The following CADM1 variants were observed in gnomAD, a reference collection of about 807,000 sequenced individuals.
CADM1 encodes cell adhesion molecule 1.
A neutral mutation model predicts 53.1 loss-of-function variants in CADM1; 15 were observed. That is an observed-to-expected ratio of 0.28 (90% CI 0.19 to 0.44). The LOEUF (loss-of-function observed/expected upper bound fraction) is 0.44. Ranked by LOEUF, CADM1 falls within the 20% of genes least tolerant of loss-of-function variation. The probability of loss-of-function intolerance (pLI) is 1.00; values close to 1 mark genes in which losing one functional copy is unlikely to be tolerated. For missense variants in CADM1, 434 were observed against 611.3 expected, an observed-to-expected ratio of 0.71 and a Z score of 3.06; for synonymous variants, 281 against 243.0, an observed-to-expected ratio of 1.16 and a Z score of -1.45.
At chr11:115,499,122 T>A (rs531798798) in intron 1 of CADM1, among the ~76,000 whole-genome samples, 15 of 152,088 alleles carry the variant, frequency 9.9e-5, no homozygotes, top group African/African-American at 1.2e-4. Context: ...CAAAAAAAAT[T>A]CTCAGCTTTT....
chr11:115,374,943 A>T (rs1162605177), intron 1 of CADM1, among the ~76,000 whole-genome samples: 1 of 152,212 alleles, frequency 6.6e-6, no homozygotes, highest in African/African-American at 2.4e-5. Flanking sequence ...AGTAATAATA[A>T]TATAAGGCAA....
chr11:115,473,439 A>G (rs1251195946), intron 1 of CADM1, among the ~76,000 whole-genome samples: 1 of 152,190 alleles, frequency 6.6e-6, no homozygotes, highest in East Asian at 1.9e-4. Flanking sequence ...AGCCTGGATG[A>G]CACAGTGAGA....
chr11:115,324,644 G>C (rs971221364), intron 1 of CADM1, among the ~76,000 whole-genome samples: 5 of 152,078 alleles, frequency 3.3e-5, no homozygotes, highest in African/African-American at 1.2e-4. Flanking sequence ...CAAGAAAAAA[G>C]CTTGATAAAT....
At chr11:115,277,760 C>G (rs1198526153) in intron 1 of CADM1, among the ~76,000 whole-genome samples, 1 of 152,096 alleles carries the variant, frequency 6.6e-6, no homozygotes, top group Admixed American at 6.5e-5. Context: ...GCTGAAACTA[C>G]CAAAAAGAAT....
At chr11:115,456,229 A>G (rs1245745229) in intron 1 of CADM1, among the ~76,000 whole-genome samples, 1 of 152,182 alleles carries the variant, frequency 6.6e-6, no homozygotes, top group Non-Finnish European at 1.5e-5. Context: ...TGAGGCAATT[A>G]CTTGCATACT....
chr11:115,292,847 A>C (rs1279166878), intron 1 of CADM1, among the ~76,000 whole-genome samples: 1 of 152,204 alleles, frequency 6.6e-6, no homozygotes, highest in Non-Finnish European at 1.5e-5. Context: ...TTTGTTAGAA[A>C]TATTGTTTTC....
chr11:115,433,513 C>T (rs1361721536), intron 1 of CADM1, among the ~76,000 whole-genome samples: 1 of 152,036 alleles, frequency 6.6e-6, no homozygotes, highest in African/African-American at 2.4e-5. Flanking sequence ...TGCCATAAAC[C>T]AATTTAATTC....
At chr11:115,293,090 G>A (rs1943950041) in intron 1 of CADM1, among the ~76,000 whole-genome samples, 1 of 152,170 alleles carries the variant, frequency 6.6e-6, no homozygotes, top group African/African-American at 2.4e-5. Context: ...GACATTAAAA[G>A]AGGAGAAGAG....
rs143504787 is a variant in CADM1 at position 115,299,503 on chromosome 11, A to C, written c.125-59083T>G. ...TAGAAATAACAGCTGAAAATGCATG[A>C]GAATGGCAAGACCAGACACCAATAC... On this transcript the variant is annotated intron_variant, in intron 1 of 11. Transcript: ENST00000331581. 2.5e-3 allele frequency among the ~76,000 whole-genome samples: 383 copies of C among 152,302 alleles called. 2 individuals carry two copies. Among genetic ancestry groups the C allele is most frequent in the African/African-American group, 8.9e-3 (368 of 41,564 alleles).
intron 1 of CADM1, among the ~76,000 whole-genome samples, chr11:115,289,980 T>C (rs1176154005): frequency 2.6e-5 from 4 of 152,194 alleles, no homozygotes; most frequent in Non-Finnish European, 5.9e-5. Flanking sequence ...ACAGTGTGGG[T>C]CTAGAGCCTC....
intron 1 of CADM1, among the ~76,000 whole-genome samples, chr11:115,302,953 A>G (rs1944270636): frequency 6.6e-6 from 1 of 152,082 alleles, no homozygotes; most frequent in African/African-American, 2.4e-5. Context: ...ATGCCAGAAG[A>G]AAAAAGGAAA....
intron 2 of CADM1, among the ~76,000 whole-genome samples, chr11:115,239,959 T>G (rs57075370): frequency 0.013 from 1,935 of 152,294 alleles, 44 homozygotes; most frequent in African/African-American, 0.042. Context: ...CCTTTCAGAA[T>G]GCTGTATTTT....
chr11:115,321,801 T>C (rs1049157233), intron 1 of CADM1, among the ~76,000 whole-genome samples: 1 of 152,154 alleles, frequency 6.6e-6, no homozygotes, highest in South Asian at 2.1e-4. Context: ...AAGCATTCCA[T>C]AGGGTTAGAG....
rs71066424 is a variant in CADM1, at chr11:115,413,644, C to CTTTTTTTTTTTTTTTTTTTT, written c.124+90626_124+90627insAAAAAAAAAAAAAAAAAAAA. The stretch of plus-strand genomic sequence containing the variant: ...CAGGGAGTGTGGCTCCAGCTCAGTT[C>CTTTTTTTTTTTTTTTTTTTT]TTTTTTTTTTTTTTCTCTGAGACAG... On this transcript the variant is annotated intron_variant, in intron 1 of 11. Transcript: ENST00000331581. Among the ~76,000 whole-genome samples the CTTTTTTTTTTTTTTTTTTTT allele has an allele frequency of 2.2e-4, 26 of 120,894 alleles. 1 individual carries two copies. Among genetic ancestry groups the CTTTTTTTTTTTTTTTTTTTT allele is most frequent in the Middle Eastern group, 8.8e-3 (2 of 226 alleles). 79.3% of individuals were successfully genotyped at this position (120,894 alleles called of 152,430 possible).
chr11:115,377,344 T>G, intron 1 of CADM1: 1 of 152,286 alleles, frequency 6.6e-6, no homozygotes, highest in Admixed American at 6.5e-5. Flanking sequence ...CTGAGAGGTC[T>G]GGTGTGTTCC....
intron 6 of CADM1, among the ~76,000 whole-genome samples, chr11:115,215,950 A>G (rs1226747299): frequency 6.6e-6 from 1 of 152,212 alleles, no homozygotes; most frequent in Non-Finnish European, 1.5e-5. Context: ...TGGGATGTGA[A>G]GTTACAATTT....
intron 1 of CADM1, among the ~76,000 whole-genome samples, chr11:115,368,403 T>G (rs1377678236): frequency 1.3e-5 from 2 of 152,090 alleles, no homozygotes; most frequent in African/African-American, 4.8e-5. Flanking sequence ...TAAATCTTTC[T>G]TCTTTATAAA....
chr11:115,357,652 T>C (rs975111906), intron 1 of CADM1, among the ~76,000 whole-genome samples: 4 of 152,226 alleles, frequency 2.6e-5, no homozygotes, highest in Admixed American at 6.5e-5. Flanking sequence ...CCAAAAATAC[T>C]GTTTGTGACG....
intron 1 of CADM1, among the ~76,000 whole-genome samples, chr11:115,327,654 A>C (rs1250253206): frequency 6.6e-6 from 1 of 152,108 alleles, no homozygotes; most frequent in Non-Finnish European, 1.5e-5. Flanking sequence ...AAGGCAGGAG[A>C]GTATAGTGAT....
Sources: gnomAD v4.1 joint callset for allele counts (sites outside exome capture counted in the v4.1 genomes callset) on GRCh38, gnomAD v4.1.1 for gene constraint, MANE v1.5 for transcripts, NCBI Gene and HGNC (gene_info 2026-07-23, HGNC 2026-07-21) for gene names.